The following PPIL4 variants were observed in gnomAD, a reference collection of about 807,000 sequenced individuals.
PPIL4 encodes peptidyl-prolyl cis-trans isomerase-like 4.
A neutral mutation model predicts 69.1 loss-of-function variants in PPIL4; 50 were observed. The observed-to-expected ratio is 0.72, with a 90% CI of 0.58 to 0.92. The LOEUF (loss-of-function observed/expected upper bound fraction) is 0.92. Among genes scored for constraint, PPIL4 ranks in the 40% least tolerant of loss-of-function variants. The pLI, the probability that PPIL4 is intolerant of heterozygous loss-of-function variation, is 0.00. For synonymous variants in PPIL4, 193 were observed against 191.6 expected (o/e 1.01, Z -0.06); for missense variants, 480 against 587.9 (o/e 0.82, Z 1.90).
chr6:149,516,691 G>A (rs1331902396), intron 11 of PPIL4, among the ~76,000 whole-genome samples: 1 of 152,080 alleles, frequency 6.6e-6, no homozygotes, highest in Non-Finnish European at 1.5e-5. Context: ...TGAAGTAAAT[G>A]GTCAAGTCAA....
In PPIL4 at chr6:149,525,184, T is replaced by C. The variant is rs753680310; in HGVS notation, c.829A>G (p.Thr277Ala). Reference protein sequence around the residue: ...RSCEVIRDWKTGESLCYAFIE... With the variant: ...RSCEVIRDWKAGESLCYAFIE... ...AAAGCGTAACAGAGGGACTCTCCTGTCTTCCAGTCTCGGATAACTTCACAA... is the reference window on the plus strand; with the variant it reads ...AAAGCGTAACAGAGGGACTCTCCTGCCTTCCAGTCTCGGATAACTTCACAA... The change falls in exon 9 of 13, where the codon ACA becomes GCA. Residue 277 changes from threonine (T) to alanine (A), a missense_variant. Transcript: ENST00000253329. The C allele has an allele frequency of 1.9e-6, 3 of 1,568,948 alleles. No homozygotes were observed. Among genetic ancestry groups the C allele is most frequent in the Non-Finnish European group, 1.7e-6 (2 of 1,148,036 alleles).
At chr6:149,526,852 G>A in intron 7 of PPIL4, 76 bp from the exon 8 acceptor site, 1 of 1,371,586 alleles carries the variant, frequency 7.3e-7, no homozygotes, top group Non-Finnish European at 1.0e-6. Flanking sequence ...ATCCCACAAT[G>A]CTGATTTCCT....
At chr6:149,529,222 T>C (rs1003228767) in intron 7 of PPIL4, among the ~76,000 whole-genome samples, 10 of 149,324 alleles carry the variant, frequency 6.7e-5, no homozygotes, top group African/African-American at 2.5e-4. Context: ...AGTGAGACTT[T>C]CTCTAAAAAA....
At chr6:149,514,172 C>T (rs961024066) in intron 11 of PPIL4, among the ~76,000 whole-genome samples, 3 of 152,230 alleles carry the variant, frequency 2.0e-5, no homozygotes, top group East Asian at 1.9e-4. Context: ...TCGTACCATT[C>T]GGTTATGACT....
chr6:149,540,374 T>C (rs137952200), intron 4 of PPIL4, among the ~76,000 whole-genome samples: 4,106 of 152,280 alleles, frequency 0.027, 162 homozygotes, highest in African/African-American at 0.093. Context: ...CCCAGCACTT[T>C]GGGAGGCCAA....
intron 11 of PPIL4, chr6:149,516,859 A>G (rs899407210): frequency 6.6e-6 from 1 of 152,316 alleles, no homozygotes; most frequent in Non-Finnish European, 1.5e-5. Flanking sequence ...GAAGTTAAAC[A>G]TAACAGCAGG....
chr6:149,523,224 T>C (rs1214960131), intron 9 of PPIL4, among the ~76,000 whole-genome samples: 1 of 151,850 alleles, frequency 6.6e-6, no homozygotes, highest in Non-Finnish European at 1.5e-5. Context: ...GAGCTAAAAT[T>C]GGAGAATCAC....
intron 7 of PPIL4, among the ~76,000 whole-genome samples, chr6:149,532,803 G>A (rs1777219369): frequency 6.6e-6 from 1 of 152,134 alleles, no homozygotes; most frequent in South Asian, 2.1e-4. Flanking sequence ...ACAACAGAGT[G>A]AGACCCTGTC....
Position 149,521,175 on chromosome 6 carries a change from A to G in PPIL4, c.871-4T>C. On this transcript the variant is annotated splice_region_variant and splice_polypyrimidine_tract_variant and intron_variant, in intron 9 of 12. Transcript: ENST00000253329. ...ATGCTTTCTCACAATCTTCTTCCTGATAATAATTATAAAAACTCAAGCATA... is the reference window on the plus strand; with the variant it reads ...ATGCTTTCTCACAATCTTCTTCCTGGTAATAATTATAAAAACTCAAGCATA... 1.4e-6 allele frequency: 2 copies of G among 1,450,322 alleles called. No homozygotes were observed. The highest frequency in any genetic ancestry group is 1.9e-6 in the Non-Finnish European group (2 of 1,042,410). The allele number at this position is 1,450,322 out of a possible 1,614,324, so 89.8% of individuals were successfully genotyped here. A position where few individuals can be genotyped will look rare whatever the true frequency, so the allele number is the denominator to read the frequency against.
At chr6:149,506,364 C>A (rs1036120885) in intron 12 of PPIL4, among the ~76,000 whole-genome samples, 1 of 151,966 alleles carries the variant, frequency 6.6e-6, no homozygotes, top group Non-Finnish European at 1.5e-5. Flanking sequence ...CCCAGCTACT[C>A]GGGAGGCTGA....
chr6:149,535,936 A>G (rs1486182368), intron 4 of PPIL4, among the ~76,000 whole-genome samples, 198 bp from the exon 5 acceptor site: 3 of 152,258 alleles, frequency 2.0e-5, no homozygotes, highest in Non-Finnish European at 4.4e-5. Flanking sequence ...CTTTGCAGAT[A>G]CTGCATTTTT....
intron 7 of PPIL4, among the ~76,000 whole-genome samples, chr6:149,533,062 C>T (rs1440907006): frequency 6.6e-6 from 1 of 152,172 alleles, no homozygotes; most frequent in African/African-American, 2.4e-5. Flanking sequence ...TTTTAGAGTG[C>T]TCAGTTTCCA....
In PPIL4 at chr6:149,505,189, A is replaced by T. The variant is rs1466658839; in HGVS notation, c.*264T>A. 6 of 324,926 alleles carry T rather than the reference A, an allele frequency of 1.8e-5. No homozygotes were observed. The East Asian group carries it at 3.7e-4, about 20-fold the overall frequency. 20.1% of individuals were successfully genotyped at this position (324,926 alleles called of 1,614,324 possible). A position where few individuals can be genotyped will look rare whatever the true frequency, so the allele number is the denominator to read the frequency against. On this transcript the variant is annotated 3_prime_UTR_variant, in exon 13 of 13. Coordinates refer to ENST00000253329, the MANE Select transcript of PPIL4 (RefSeq NM_139126.4). ...TTTTTGTAGTATGAAATACTTCATTAAAAAAAGAGTGAAAATGTAAGACTT... is the reference window on the plus strand; with the variant it reads ...TTTTTGTAGTATGAAATACTTCATTTAAAAAAGAGTGAAAATGTAAGACTT...
chr6:149,507,572 C>T (rs1394427874), intron 12 of PPIL4, among the ~76,000 whole-genome samples: 1 of 152,008 alleles, frequency 6.6e-6, no homozygotes, highest in Non-Finnish European at 1.5e-5. Flanking sequence ...TTTAAAATGC[C>T]GAGACTGCTG....
rs189949323 is a variant in PPIL4 at position 149,505,305 on chromosome 6, C to G, written c.*148G>C. ...GTTCAATTCTTTATCTTTCCGTGCT[C>G]TATATAATCAGTATTAATCTAAAGA... On this transcript the variant is annotated 3_prime_UTR_variant, in exon 13 of 13. Coordinates refer to ENST00000253329, the MANE Select transcript of PPIL4 (RefSeq NM_139126.4). 4.6e-6 allele frequency: 3 copies of G among 658,064 alleles called. No individual in the cohort carries two copies. The highest frequency in any genetic ancestry group is 3.2e-5 in the Admixed American group (1 of 31,170). 40.8% of individuals were successfully genotyped at this position (658,064 alleles called of 1,614,324 possible). A position where few individuals can be genotyped will look rare whatever the true frequency, so the allele number is the denominator to read the frequency against.
intron 1 of PPIL4, among the ~76,000 whole-genome samples, chr6:149,543,869 C>T (rs552580142): frequency 6.6e-6 from 1 of 152,172 alleles, no homozygotes; most frequent in East Asian, 1.9e-4. Context: ...TTACATGATT[C>T]TCTCTACATC....
At chr6:149,544,695 T>C (rs551240446) in intron 1 of PPIL4, among the ~76,000 whole-genome samples, 3 of 152,238 alleles carry the variant, frequency 2.0e-5, no homozygotes, top group South Asian at 4.1e-4. Context: ...AGTAGTAAGT[T>C]TGCCAGAAGG....
intron 11 of PPIL4, among the ~76,000 whole-genome samples, chr6:149,516,006 C>T (rs979314117): frequency 1.3e-5 from 2 of 152,140 alleles, no homozygotes; most frequent in Admixed American, 6.5e-5. Context: ...CAGACTATCC[C>T]CTAACAGCAT....
intron 12 of PPIL4, among the ~76,000 whole-genome samples, chr6:149,507,365 ATAT>A (rs1256926963): frequency 3.3e-5 from 5 of 152,250 alleles, no homozygotes; most frequent in African/African-American, 1.2e-4. Flanking sequence ...AGTTCTTGTC[ATAT>A]TATAAGAGTC....
Sources: allele counts gnomAD v4.1 joint callset (sites outside exome capture counted in the v4.1 genomes callset), GRCh38; gene constraint gnomAD v4.1.1; transcripts MANE v1.5; gene names NCBI Gene and HGNC (gene_info 2026-07-23, HGNC 2026-07-21).